Variants in PYHIN1 observed in about 807,000 individuals in gnomAD.
The protein encoded by PYHIN1 is pyrin and HIN domain-containing protein 1.
In PYHIN1, 32 loss-of-function variants were observed where a neutral mutation model predicts 43.7. That is an observed-to-expected ratio of 0.73 (90% CI 0.55 to 0.98). The LOEUF is 0.98. Among genes scored for constraint, PYHIN1 ranks in the 50% least tolerant of loss-of-function variants. The pLI, the probability that PYHIN1 is intolerant of heterozygous loss-of-function variation, is 0.00. For missense variants in PYHIN1, 588 were observed against 589.5 expected (o/e 1.00, Z 0.03); for synonymous variants, 205 against 203.1 (o/e 1.01, Z -0.08).
chr1:158,959,819 C>G (rs190765066), intron 7 of PYHIN1, among the ~76,000 whole-genome samples: 2 of 152,204 alleles, frequency 1.3e-5, no homozygotes, highest in East Asian at 3.9e-4. Flanking sequence ...GAGTCTACCC[C>G]AGAGCAACAG....
At chr1:158,965,026 T>C (rs567439865) in intron 7 of PYHIN1, among the ~76,000 whole-genome samples, 1 of 145,074 alleles carries the variant, frequency 6.9e-6, no homozygotes, top group South Asian at 2.2e-4. Context: ...TGGCTCAAAA[T>C]AAAAGGACAA....
Position 158,933,612 on chromosome 1 carries a change from G to A in PYHIN1, c.-21+1836G>A, listed in dbSNP as rs1223553674. Among the ~76,000 whole-genome samples, 3 of 151,816 alleles carry A rather than the reference G, an allele frequency of 2.0e-5. No homozygotes were observed. The highest frequency in any genetic ancestry group is 4.4e-5 in the Non-Finnish European group (3 of 67,908). On this transcript the variant is annotated intron_variant, in intron 1 of 8. Coordinates refer to ENST00000368140, the MANE Select transcript of PYHIN1 (RefSeq NM_152501.5). This position sits in a 1 kb window ranked among gnomAD's most constrained non-coding sequence, Gnocchi z 6.3. ...TCATTTAACTAGTTAACCTCTTTAT[G>A]TATAGGCTAATAATTAACATATTTT... is the stretch of plus-strand genomic sequence containing the variant.
At chr1:158,976,290 AG>A (rs1277060196) in intron 8 of PYHIN1, among the ~76,000 whole-genome samples, 2 of 152,110 alleles carry the variant, frequency 1.3e-5, no homozygotes, top group African/African-American at 4.8e-5. Context: ...TCCAGTTCTC[AG>A]GGCCATTAGT....
chr1:158,952,510 T>C (rs546764810), intron 7 of PYHIN1, among the ~76,000 whole-genome samples: 26 of 152,256 alleles, frequency 1.7e-4, no homozygotes, highest in Admixed American at 1.4e-3. Context: ...TTCCCATCTA[T>C]TGGAGGAGGG....
In PYHIN1 at chr1:158,936,924, A is replaced by G. The variant is rs780664796; in HGVS notation, c.14A>G (p.Tyr5Cys). 7 of 1,582,844 alleles carry G rather than the reference A, an allele frequency of 4.4e-6. No homozygotes were observed. The Admixed American group carries it at 1.3e-4, about 29-fold the overall frequency. Reference sequence around the variant, plus strand: ...ATATCTTTAGAGATGGCAAATAACTACAAGAAAATTGTTCTACTGAAAGGA... The same window carrying G: ...ATATCTTTAGAGATGGCAAATAACTGCAAGAAAATTGTTCTACTGAAAGGA... Reference protein sequence around the residue: MANNYKKIVLLKGLE... With the variant: MANNCKKIVLLKGLE... The change falls in exon 2 of 9, where the codon TAC becomes TGC. Residue 5 changes from tyrosine (Y) to cysteine (C), a missense_variant. Transcript: ENST00000368140.
At chr1:158,962,867 A>G (rs1650406380) in intron 7 of PYHIN1, among the ~76,000 whole-genome samples, 1 of 152,288 alleles carries the variant, frequency 6.6e-6, no homozygotes, top group Admixed American at 6.5e-5. Flanking sequence ...GGGGTCCCAG[A>G]GGCAACTGAC....
At chr1:158,937,961 A>G in intron 2 of PYHIN1, among the ~76,000 whole-genome samples, 1 of 149,856 alleles carries the variant, frequency 6.7e-6, no homozygotes, top group Non-Finnish European at 1.5e-5. Context: ...AAAAAAAAAG[A>G]AAAAAAGTCA....
chr1:158,939,605 T>C, intron 4 of PYHIN1: 1 of 1,322,504 alleles, frequency 7.6e-7, no homozygotes, highest in South Asian at 1.3e-5. Flanking sequence ...CTTTTTCCTT[T>C]AGGATTTTCA....
chr1:158,940,203 G>A (rs1051904878), intron 4 of PYHIN1: 2 of 151,132 alleles, frequency 1.3e-5, no homozygotes, highest in Middle Eastern at 3.4e-3. Context: ...TCCAGCCTGG[G>A]TGACAGAGCG....
chr1:158,974,919 A>T (rs1397459194), intron 8 of PYHIN1, among the ~76,000 whole-genome samples: 1 of 152,076 alleles, frequency 6.6e-6, no homozygotes, highest in Non-Finnish European at 1.5e-5. Context: ...ACATTCTGGA[A>T]AAGAACTTAT....
At chr1:158,949,948 C>T (rs554274828) in intron 7 of PYHIN1, among the ~76,000 whole-genome samples, 2 of 152,304 alleles carry the variant, frequency 1.3e-5, no homozygotes, top group African/African-American at 4.8e-5. Context: ...TGGGCAGGTA[C>T]ACATTAAGGG....
chr1:158,979,286 C>A (rs139532274), downstream of PYHIN1, among the ~76,000 whole-genome samples: 1 of 152,120 alleles, frequency 6.6e-6, no homozygotes, highest in Non-Finnish European at 1.5e-5. Flanking sequence ...GTATACCCAT[C>A]GAATAGCAGC....
intron 1 of PYHIN1, among the ~76,000 whole-genome samples, chr1:158,935,050 T>C (rs1008481450): frequency 6.6e-6 from 1 of 152,192 alleles, no homozygotes; most frequent in African/African-American, 2.4e-5. Flanking sequence ...AGTGTCATCA[T>C]GTGCTAAAGT....
intron 7 of PYHIN1, among the ~76,000 whole-genome samples, chr1:158,957,754 T>C (rs1169491067): frequency 1.5e-4 from 22 of 144,500 alleles, no homozygotes; most frequent in Non-Finnish European, 2.7e-4. Context: ...AATTGACAAA[T>C]GGGATCTAAT....
intron 7 of PYHIN1, among the ~76,000 whole-genome samples, chr1:158,963,295 C>T (rs961886551): frequency 2.6e-5 from 4 of 152,126 alleles, no homozygotes; most frequent in Non-Finnish European, 4.4e-5. Context: ...TTCACCAAAC[C>T]GGGACCCTCT....
At chr1:158,942,441 A>C in intron 5 of PYHIN1, 42 bp downstream of exon 5, 1 of 1,469,192 alleles carries the variant, frequency 6.8e-7, no homozygotes, top group South Asian at 1.4e-5. Context: ...CTACAATAAC[A>C]CTTGAAATTA....
chr1:158,946,721 C>T (rs1397598063), intron 7 of PYHIN1, among the ~76,000 whole-genome samples: 5 of 152,146 alleles, frequency 3.3e-5, no homozygotes, highest in East Asian at 1.9e-4. Context: ...TTTGTAATTC[C>T]GGTTTCTGTG....
chr1:158,963,596 G>A (rs1177394832), intron 7 of PYHIN1, among the ~76,000 whole-genome samples: 2 of 152,208 alleles, frequency 1.3e-5, no homozygotes, highest in Non-Finnish European at 1.5e-5. Flanking sequence ...GGCAGAGCAA[G>A]AGCCTACCTA....
At chr1:158,956,638 G>A (rs2101695276) in intron 7 of PYHIN1, among the ~76,000 whole-genome samples, 1 of 151,760 alleles carries the variant, frequency 6.6e-6, no homozygotes, top group South Asian at 2.1e-4. Context: ...CAAACGCACA[G>A]CCAATATCAT....
Sources: gnomAD v4.1 joint callset for allele counts (sites outside exome capture counted in the v4.1 genomes callset) on GRCh38, gnomAD v4.1.1 for gene constraint, Gnocchi (gnomAD v3.1) non-coding constraint, MANE v1.5 for transcripts, NCBI Gene and HGNC (gene_info 2026-07-23, HGNC 2026-07-21) for gene names.